Variants in FGF13 observed in about 807,000 individuals in gnomAD.
FGF13 encodes fibroblast growth factor homologous factor 2.
In FGF13, 2 loss-of-function variants were observed where a neutral mutation model predicts 19.5. The ratio of observed to expected loss-of-function variants is 0.10; its 90% CI spans 0.04 to 0.32. The LOEUF (loss-of-function observed/expected upper bound fraction) is 0.32, where lower values mean the gene tolerates loss of function less well. FGF13 is among the 10% of genes least tolerant of loss of function. The pLI is 1.00. For synonymous variants in FGF13, 72 were observed against 76.9 expected, an observed-to-expected ratio of 0.94 and a Z score of 0.33; for missense variants, 113 against 192.7, an observed-to-expected ratio of 0.59 and a Z score of 2.45.
At chrX:138,895,958 CAT>C (rs2091501984) in intron 1 of FGF13, among the ~76,000 whole-genome samples, 2 of 111,765 alleles carry the variant, frequency 1.8e-5, no homozygotes, top group South Asian at 7.4e-4. Context: ...ATGTTGAACT[CAT>C]AGAAATAGAG....
At chrX:138,855,962 C>CTGTG (rs35763167), downstream of FGF13, among the ~76,000 whole-genome samples, 3,578 of 101,291 alleles carry the variant, frequency 0.035, 157 homozygotes, top group African/African-American at 0.12. Context: ...AGTACAAAAA[C>CTGTG]TGTGTGTGTG....
At chrX:138,989,011 G>A (rs762268078) in intron 1 of FGF13, among the ~76,000 whole-genome samples, 1 of 111,849 alleles carries the variant, frequency 8.9e-6, no homozygotes, top group East Asian at 2.8e-4. Flanking sequence ...CTCTTAAAAT[G>A]TATCCTTGGC....
In FGF13 at chrX:138,632,947, T is replaced by G. The variant is rs1161872252; in HGVS notation, c.641A>C (p.Glu214Ala). The G allele has an allele frequency of 1.7e-6, 2 of 1,210,602 alleles. No homozygotes were observed. Among genetic ancestry groups the G allele is most frequent in the Non-Finnish European group, 2.2e-6 (2 of 895,024 alleles). Residue 214 changes from glutamate to alanine, a missense_variant, in exon 5 of 5, where the codon GAG becomes GCG. Coordinates refer to ENST00000315930, the MANE Select transcript of FGF13 (RefSeq NM_004114.5). ...GGTCCCGCTTCCAGATCGGGAGAAC[T>G]CCGTGAGATCGTGCAGTGATGGCTC... Reference protein sequence around the residue: ...YKEPSLHDLTEFSRSGSGTPT... With the variant: ...YKEPSLHDLTAFSRSGSGTPT...
chrX:138,890,458 G>T (rs1344569250), intron 1 of FGF13, among the ~76,000 whole-genome samples: 3 of 111,080 alleles, frequency 2.7e-5, no homozygotes, highest in Non-Finnish European at 5.7e-5. Flanking sequence ...AACAGCAATG[G>T]CAACAGCAAT....
intron 3 of FGF13, among the ~76,000 whole-genome samples, chrX:138,763,342 T>C (rs1018680000): frequency 1.3e-4 from 14 of 110,932 alleles, no homozygotes; most frequent in Non-Finnish European, 2.1e-4. Flanking sequence ...GGTGGATACT[T>C]ACTACCTACA....
intron 1 of FGF13, among the ~76,000 whole-genome samples, chrX:139,047,262 C>T (rs762880764): frequency 8.0e-5 from 9 of 112,320 alleles, no homozygotes; most frequent in Non-Finnish European, 1.5e-4. Context: ...TTTTCCCAGG[C>T]TGTGGATAGT....
chrX:138,832,188 T>A (rs901356013), intron 3 of FGF13, among the ~76,000 whole-genome samples: 1 of 112,358 alleles, frequency 8.9e-6, no homozygotes, highest in African/African-American at 3.2e-5. Flanking sequence ...GTAATGGGAT[T>A]GTTGAGTTGA....
rs923598603 is a variant in FGF13, at chrX:138,995,938, C to A, written c.-112-131288G>T. Among the ~76,000 whole-genome samples, 5 of 111,783 alleles carry A rather than the reference C, an allele frequency of 4.5e-5. No individual in the cohort carries two copies. The Admixed American group carries it at 4.7e-4, about 11-fold the overall frequency. ...ACACTTGGAGGGAGTATTTAAACCA[C>A]CCCTAGTTAGAGGGGAATCGCCCAT... On this transcript the variant is annotated intron_variant, in intron 1 of 2. Coordinates refer to the FGF13 transcript ENST00000421460.
chrX:138,805,110 G>T (rs960275102), intron 3 of FGF13, among the ~76,000 whole-genome samples: 9 of 111,752 alleles, frequency 8.1e-5, no homozygotes, highest in Non-Finnish European at 1.5e-4. Flanking sequence ...ATTGACCTGG[G>T]TTTATCCATG....
chrX:138,735,074 G>A (rs1329667774), intron 1 of FGF13, among the ~76,000 whole-genome samples: 4 of 111,921 alleles, frequency 3.6e-5, no homozygotes, highest in Non-Finnish European at 7.5e-5. Flanking sequence ...TAAAAGTTTT[G>A]ATATAAGGAA....
chrX:139,056,387 A>T (rs1423270219), intron 1 of FGF13, among the ~76,000 whole-genome samples: 1 of 112,114 alleles, frequency 8.9e-6, no homozygotes, highest in Non-Finnish European at 1.9e-5. Flanking sequence ...GGATAGCAAG[A>T]CCGGCCCAGG....
intron 1 of FGF13, among the ~76,000 whole-genome samples, chrX:138,718,210 G>A (rs1314727353): frequency 8.9e-6 from 1 of 112,016 alleles, no homozygotes; most frequent in Admixed American, 9.5e-5. Context: ...CAAACATTAA[G>A]TGAGGTGCTT....
chrX:138,886,204 G>A (rs1001017948), intron 1 of FGF13, among the ~76,000 whole-genome samples: 4 of 111,670 alleles, frequency 3.6e-5, no homozygotes, highest in African/African-American at 6.5e-5. Flanking sequence ...ATGAAGGTGC[G>A]TTCTACATTC....
intron 3 of FGF13, among the ~76,000 whole-genome samples, chrX:138,784,920 G>A (rs1356914247): frequency 8.9e-6 from 1 of 112,143 alleles, no homozygotes; most frequent in Non-Finnish European, 1.9e-5. Flanking sequence ...TGTTGCTTGA[G>A]AAAAGCACAC....
At chrX:138,877,082 A>G (rs28480131) in intron 1 of FGF13, among the ~76,000 whole-genome samples, 11,390 of 111,348 alleles carry the variant, frequency 0.1, 1,433 homozygotes, top group African/African-American at 0.35. Flanking sequence ...CATGGACACC[A>G]GGTGGGGAAC....
intron 1 of FGF13, among the ~76,000 whole-genome samples, chrX:138,874,155 AATATAT>A (rs746792067): frequency 4.1e-5 from 4 of 98,167 alleles, no homozygotes; most frequent in East Asian, 3.1e-4. Context: ...AAGTATAATA[AATATAT>A]ATATATATAT....
chrX:138,861,725 G>A lies in FGF13; in HGVS notation c.-39+2852C>T, dbSNP rs112456895. 8.7e-3 allele frequency among the ~76,000 whole-genome samples: 974 copies of A among 112,192 alleles called. 12 individuals are homozygous for A. The highest frequency in any genetic ancestry group is 0.029 in the African/African-American group (905 of 30,864). ...AGTCTAAAGTAAGACAGCTTTTGTC[G>A]GGTGTGGTGGCTCACGCCTGTAATC... On this transcript the variant is annotated intron_variant, in intron 2 of 2. Coordinates refer to the FGF13 transcript ENST00000421460.
chrX:138,678,544 A>G (rs2089696821), intron 3 of FGF13, among the ~76,000 whole-genome samples: 2 of 111,601 alleles, frequency 1.8e-5, no homozygotes, highest in Admixed American at 1.9e-4. Context: ...ACCAAGTTAG[A>G]GGAAGCTACA....
intron 1 of FGF13, among the ~76,000 whole-genome samples, chrX:139,141,102 TACACACACACAC>T (rs748785543): frequency 1.0e-5 from 1 of 97,179 alleles, no homozygotes; most frequent in Non-Finnish European, 2.1e-5. Context: ...GATAAGAGTG[TACACACACACAC>T]ACACACACAC....
Sources: gnomAD v4.1 joint callset for allele counts (sites outside exome capture counted in the v4.1 genomes callset) on GRCh38, gnomAD v4.1.1 for gene constraint, MANE v1.5 for transcripts, NCBI Gene and HGNC (gene_info 2026-07-23, HGNC 2026-07-21) for gene names.